NRXN3: variants seen among roughly 807,000 people sequenced by gnomAD.
NRXN3 encodes neurexin 3.
A neutral mutation model predicts 137.6 loss-of-function variants in NRXN3; 32 were observed. The observed-to-expected ratio is 0.23, with a 90% CI of 0.18 to 0.31. NRXN3 has a LOEUF of 0.31. Ranked by LOEUF, NRXN3 falls within the 10% of genes least tolerant of loss-of-function variation. The probability of loss-of-function intolerance (pLI) is 1.00; values close to 1 mark genes in which losing one functional copy is unlikely to be tolerated. For missense variants in NRXN3, 1,574 were observed against 2,062.5 expected, an observed-to-expected ratio of 0.76 and a Z score of 4.59; for synonymous variants, 798 against 784.5, an observed-to-expected ratio of 1.02 and a Z score of -0.29.
intron 1 of NRXN3, among the ~76,000 whole-genome samples, chr14:78,197,273 T>C (rs1016388839): frequency 6.6e-6 from 1 of 152,192 alleles, no homozygotes; most frequent in Non-Finnish European, 1.5e-5. Flanking sequence ...TTAGCTGGGG[T>C]GCTAGAAAAG....
chr14:78,997,158 T>C (rs555219019), intron 15 of NRXN3, among the ~76,000 whole-genome samples: 3 of 152,310 alleles, frequency 2.0e-5, no homozygotes, highest in African/African-American at 4.8e-5. Flanking sequence ...CTGGGACTCA[T>C]AGGTGACACA....
chr14:79,236,487 T>G (rs2073386494), intron 15 of NRXN3, among the ~76,000 whole-genome samples: 1 of 152,154 alleles, frequency 6.6e-6, no homozygotes, highest in African/African-American at 2.4e-5. Context: ...TTCAAGTATA[T>G]GAGAGCTCTT....
intron 10 of NRXN3, among the ~76,000 whole-genome samples, chr14:78,852,139 CA>C (rs1476684845): frequency 6.6e-6 from 1 of 152,070 alleles, no homozygotes; most frequent in African/African-American, 2.4e-5. Context: ...TGATATCTGG[CA>C]AGAGAAAAAT....
chr14:79,704,351 T>C (rs2098767760), intron 19 of NRXN3, among the ~76,000 whole-genome samples: 1 of 152,134 alleles, frequency 6.6e-6, no homozygotes, highest in African/African-American at 2.4e-5. Context: ...ACAAGATAGA[T>C]CCACCTTATC....
chr14:78,675,075 A>G (rs2097987080), intron 6 of NRXN3, among the ~76,000 whole-genome samples: 1 of 152,226 alleles, frequency 6.6e-6, no homozygotes, highest in African/African-American at 2.4e-5. Flanking sequence ...ACTCTGAAGA[A>G]GCACTTAGTC....
intron 8 of NRXN3, among the ~76,000 whole-genome samples, chr14:78,728,671 G>A (rs1457976004): frequency 6.6e-6 from 1 of 152,094 alleles, no homozygotes; most frequent in Non-Finnish European, 1.5e-5. Flanking sequence ...ATAGAGGTGG[G>A]CGGATCACGA....
chr14:79,259,046 T>C (rs1189752085), intron 15 of NRXN3, among the ~76,000 whole-genome samples: 1 of 152,162 alleles, frequency 6.6e-6, no homozygotes, highest in East Asian at 1.9e-4. Flanking sequence ...ACTTTTTCTT[T>C]TCTGGAATCT....
chr14:79,443,611 A>G (rs2096005294), intron 15 of NRXN3, among the ~76,000 whole-genome samples: 1 of 152,204 alleles, frequency 6.6e-6, no homozygotes, highest in South Asian at 2.1e-4. Context: ...TCTAGAGGTA[A>G]ACCAATAGGC....
At chr14:79,642,595 C>T (rs1423023844) in intron 16 of NRXN3, among the ~76,000 whole-genome samples, 1 of 134,178 alleles carries the variant, frequency 7.5e-6, no homozygotes, top group African/African-American at 2.5e-5. Context: ...TTGTAAAGGA[C>T]ATGGTTCTGT....
At chr14:79,506,123 T>C (rs1239482530) in intron 16 of NRXN3, among the ~76,000 whole-genome samples, 1 of 152,204 alleles carries the variant, frequency 6.6e-6, no homozygotes, top group Admixed American at 6.5e-5. Context: ...TCTTATATAA[T>C]GTAAGATAAC....
chr14:78,794,630 GTGTGTA>G (rs1474416010), intron 8 of NRXN3, among the ~76,000 whole-genome samples: 5 of 151,224 alleles, frequency 3.3e-5, no homozygotes, highest in South Asian at 2.1e-4. Context: ...GTGTGTGTGT[GTGTGTA>G]TATAATATAT....
intron 19 of NRXN3, among the ~76,000 whole-genome samples, chr14:79,721,446 A>G (rs1221482246): frequency 6.6e-6 from 1 of 152,146 alleles, no homozygotes. Context: ...AAAATGTTGA[A>G]AACACATTGT....
At chr14:79,508,452 C>CGATCTTG (rs2096900950) in intron 16 of NRXN3, among the ~76,000 whole-genome samples, 1 of 123,356 alleles carries the variant, frequency 8.1e-6, no homozygotes, top group Non-Finnish European at 1.6e-5. Flanking sequence ...TGCAGTGGCA[C>CGATCTTG]GATCTTGGCT....
intron 8 of NRXN3, among the ~76,000 whole-genome samples, chr14:78,718,944 T>G (rs561343293): frequency 1.4e-4 from 22 of 152,324 alleles, no homozygotes; most frequent in Non-Finnish European, 2.8e-4. Flanking sequence ...GAGGAAACAG[T>G]CTAGCTGGTC....
intron 16 of NRXN3, among the ~76,000 whole-genome samples, chr14:79,575,342 AG>A (rs1473708741): frequency 6.6e-6 from 1 of 152,188 alleles, no homozygotes; most frequent in Non-Finnish European, 1.5e-5. Flanking sequence ...AAGGAGAACA[AG>A]AACTGAAGAC....
In NRXN3 at chr14:78,668,598, A is replaced by G. The variant is rs554270023; in HGVS notation, c.1221+17272A>G. Among the ~76,000 whole-genome samples the G allele has an allele frequency of 3.3e-5, 5 of 152,306 alleles. No individual in the cohort carries two copies. In the South Asian group the frequency reaches 1.0e-3, roughly 32 times the overall value. ...GATTGTTGGTGCACTGTAGGCCTAC[A>G]ATGCACAGGACAGCCCTTCGGTGAC... On this transcript the variant is annotated intron_variant, in intron 6 of 20. Coordinates refer to ENST00000335750, the MANE Select transcript of NRXN3 (RefSeq NM_001330195.2).
intron 15 of NRXN3, among the ~76,000 whole-genome samples, chr14:79,172,337 G>A (rs1206346127): frequency 6.6e-6 from 1 of 152,138 alleles, no homozygotes; most frequent in Non-Finnish European, 1.5e-5. Context: ...AGTAAAAGAA[G>A]ATGAATGTAT....
chr14:79,173,549 A>T lies in NRXN3; in HGVS notation c.3262+185408A>T, dbSNP rs1424856068. Among the ~76,000 whole-genome samples, 2 of 151,696 alleles carry T rather than the reference A, an allele frequency of 1.3e-5. 1 individual carries two copies. Among genetic ancestry groups the T allele is most frequent in the Non-Finnish European group, 2.9e-5 (2 of 67,928 alleles). On this transcript the variant is annotated intron_variant, in intron 15 of 20. Coordinates refer to ENST00000335750, the MANE Select transcript of NRXN3 (RefSeq NM_001330195.2). Reference sequence around the variant, plus strand: ...TTGTCTCAAAAAAAAAAAAAAAAAAAAAAATTACAATAAAAGATATCATTG... The same window carrying T: ...TTGTCTCAAAAAAAAAAAAAAAAAATAAAATTACAATAAAAGATATCATTG...
intron 8 of NRXN3, among the ~76,000 whole-genome samples, chr14:78,751,525 G>A (rs2098642243): frequency 6.6e-6 from 1 of 152,060 alleles, no homozygotes; most frequent in Admixed American, 6.5e-5. Context: ...TGTACAGCTA[G>A]CGCTAATCTA....
Sources: gnomAD v4.1 joint callset for allele counts (sites outside exome capture counted in the v4.1 genomes callset) on GRCh38, gnomAD v4.1.1 for gene constraint, MANE v1.5 for transcripts, NCBI Gene and HGNC (gene_info 2026-07-23, HGNC 2026-07-21) for gene names.